The following CNTN5 variants were observed in gnomAD, a reference collection of about 807,000 sequenced individuals.
The protein encoded by CNTN5 is contactin 5, also known as contactin-5.
Under a neutral mutation model 129.1 loss-of-function variants are expected in CNTN5, and 77 were observed. That is an observed-to-expected ratio of 0.60 (90% CI 0.50 to 0.72). The LOEUF (loss-of-function observed/expected upper bound fraction) is 0.72. Ranked by LOEUF, CNTN5 falls within the 30% of genes least tolerant of loss-of-function variation. The pLI is 0.00. For missense variants in CNTN5, 1,478 were observed against 1,328.8 expected, an observed-to-expected ratio of 1.11 and a Z score of -1.75; for synonymous variants, 509 against 465.6, an observed-to-expected ratio of 1.09 and a Z score of -1.20.
chr11:100,149,735 A>T (rs1946986735), intron 13 of CNTN5, among the ~76,000 whole-genome samples: 1 of 151,920 alleles, frequency 6.6e-6, no homozygotes, highest in Non-Finnish European at 1.5e-5. Flanking sequence ...TCTAATAAAA[A>T]TACAAAAAAA....
At chr11:99,423,511 G>A (rs1942987632) in intron 2 of CNTN5, among the ~76,000 whole-genome samples, 3 of 152,140 alleles carry the variant, frequency 2.0e-5, no homozygotes, top group Admixed American at 2.0e-4. Flanking sequence ...ACATTTTCAG[G>A]TTTCTAAGGT....
At chr11:99,944,391 C>T (rs554257834) in intron 7 of CNTN5, among the ~76,000 whole-genome samples, 4 of 151,992 alleles carry the variant, frequency 2.6e-5, no homozygotes, top group Admixed American at 6.6e-5. Flanking sequence ...TTATGACAAA[C>T]CTATAGCCAA....
intron 1 of CNTN5, among the ~76,000 whole-genome samples, chr11:99,289,694 A>C (rs115670901): frequency 1.3e-5 from 2 of 151,772 alleles, no homozygotes; most frequent in South Asian, 4.1e-4. Flanking sequence ...TTATCTCCTG[A>C]CATATGCTTC....
Position 99,819,732 on chromosome 11 carries a change from C to G in CNTN5, c.244C>G (p.Leu82Val). 7 of 1,607,804 alleles carry G rather than the reference C, an allele frequency of 4.4e-6. No individual in the cohort carries two copies. Among genetic ancestry groups the G allele is most frequent in the Non-Finnish European group, 5.9e-6 (7 of 1,177,368 alleles). ...AAQNYYSPIN[L>V]YHSSDAFKQD... ...TCAGAATTATTATTCCCCCATCAAT[C>G]TTTATCATTCCTCAGATGCCTTCAA... The change falls in exon 4 of 25, where the codon CTT becomes GTT. Residue 82 changes from leucine (L) to valine (V), a missense_variant. By Grantham distance (32) the Leu-to-Val change is conservative. Coordinates refer to ENST00000524871, the MANE Select transcript of CNTN5 (RefSeq NM_014361.4).
intron 6 of CNTN5, among the ~76,000 whole-genome samples, chr11:99,861,499 A>T (rs1329586315): frequency 6.6e-6 from 1 of 151,734 alleles, no homozygotes; most frequent in Admixed American, 6.6e-5. Context: ...TTTCATTTGA[A>T]TTTTTTTTTC....
intron 3 of CNTN5, among the ~76,000 whole-genome samples, chr11:99,772,878 G>A (rs1478383032): frequency 6.6e-6 from 1 of 152,078 alleles, no homozygotes; most frequent in Non-Finnish European, 1.5e-5. Context: ...TGTAGATCAT[G>A]TAGTTTGAAA....
chr11:100,089,564 C>A (rs910354311), intron 13 of CNTN5, among the ~76,000 whole-genome samples: 3 of 152,078 alleles, frequency 2.0e-5, no homozygotes, highest in African/African-American at 4.8e-5. Flanking sequence ...TGGGTGAATA[C>A]CCAAAGGAAT....
Position 99,958,447 on chromosome 11 carries a change from G to A in CNTN5, c.877+1438G>A, listed in dbSNP as rs79294190. Among the ~76,000 whole-genome samples the A allele has an allele frequency of 5.8e-3, 879 of 152,230 alleles. 7 individuals carry two copies. The highest frequency in any genetic ancestry group is 0.021 in the African/African-American group (854 of 41,536). On this transcript the variant is annotated intron_variant, in intron 8 of 24. Transcript: ENST00000524871. ...AAGTAGAGAAGTAGTTAAAAATGAG[G>A]AATTCAGTTTTGAATATGAGATACA...
chr11:99,109,232 AT>A (rs1368789448), intron 1 of CNTN5, among the ~76,000 whole-genome samples: 1 of 151,858 alleles, frequency 6.6e-6, no homozygotes, highest in Non-Finnish European at 1.5e-5. Flanking sequence ...AATATAATAT[AT>A]TTTATACTCC....
chr11:100,070,281 C>T (rs370387173), intron 10 of CNTN5, 143 bp from the exon 11 acceptor site: 46 of 702,414 alleles, frequency 6.5e-5, no homozygotes, highest in Middle Eastern at 4.3e-4. Context: ...TTGTGTGTAA[C>T]GCAATGCTGT....
chr11:99,347,609 C>T (rs75713162), intron 2 of CNTN5, among the ~76,000 whole-genome samples: 11,542 of 152,126 alleles, frequency 0.076, 489 homozygotes, highest in Middle Eastern at 0.15. Context: ...ATTTATTTTG[C>T]ACTTTAATTA....
chr11:100,310,625 A>G (rs1411015299), intron 21 of CNTN5, among the ~76,000 whole-genome samples: 1 of 151,946 alleles, frequency 6.6e-6, no homozygotes, highest in Non-Finnish European at 1.5e-5. Flanking sequence ...TAAGCGCATG[A>G]TTTTTTAAAA....
intron 1 of CNTN5, among the ~76,000 whole-genome samples, chr11:99,175,814 C>T (rs1367475531): frequency 2.0e-5 from 3 of 151,854 alleles, no homozygotes; most frequent in African/African-American, 7.3e-5. Flanking sequence ...AAGAGATAAC[C>T]TAGGAGAACT....
At chr11:99,789,578 TG>T (rs1448938233) in intron 3 of CNTN5, among the ~76,000 whole-genome samples, 2 of 152,012 alleles carry the variant, frequency 1.3e-5, no homozygotes, top group African/African-American at 4.8e-5. Flanking sequence ...TTCCATCAGC[TG>T]TATAGGATTC....
At chr11:99,817,669 G>T (rs1296702174) in intron 3 of CNTN5, among the ~76,000 whole-genome samples, 2 of 130,752 alleles carry the variant, frequency 1.5e-5, no homozygotes, top group African/African-American at 2.9e-5. Flanking sequence ...GCAATAGATT[G>T]CACTGAGAAA....
intron 2 of CNTN5, among the ~76,000 whole-genome samples, chr11:99,509,058 A>T (rs929288375): frequency 3.9e-5 from 6 of 152,234 alleles, no homozygotes; most frequent in African/African-American, 1.4e-4. Flanking sequence ...TTTTAAAAAG[A>T]TACAACACTT....
chr11:99,945,589 T>C (rs1342146711), intron 7 of CNTN5, among the ~76,000 whole-genome samples: 1 of 150,260 alleles, frequency 6.7e-6, no homozygotes, highest in East Asian at 1.9e-4. Context: ...ATGTTAACAC[T>C]TTTTTTTCTG....
rs149042369 is a variant in CNTN5, at chr11:99,451,841, A to G, written c.-70-104304A>G. On this transcript the variant is annotated intron_variant, in intron 2 of 24. Coordinates refer to ENST00000524871, the MANE Select transcript of CNTN5 (RefSeq NM_014361.4). ...AATCAGTCCGTGGAATGAATTTTGC[A>G]TTTGAATGACACATTGTTCTTTTAA... Among the ~76,000 whole-genome samples the G allele has an allele frequency of 6.1e-3, 930 of 152,258 alleles. 5 individuals are homozygous for G. Among genetic ancestry groups the G allele is most frequent in the Middle Eastern group, 0.034 (10 of 294 alleles).
chr11:100,335,696 A>T (rs1349286309), intron 21 of CNTN5, among the ~76,000 whole-genome samples: 1 of 151,718 alleles, frequency 6.6e-6, no homozygotes, highest in Non-Finnish European at 1.5e-5. Flanking sequence ...TGAACCCAGG[A>T]GCTGGAGGTT....
Sources: allele counts gnomAD v4.1 joint callset (sites outside exome capture counted in the v4.1 genomes callset), GRCh38; gene constraint gnomAD v4.1.1; transcripts MANE v1.5; gene names NCBI Gene and HGNC (gene_info 2026-07-23, HGNC 2026-07-21).